SPECC1: variants seen among roughly 807,000 people sequenced by gnomAD.
SPECC1 encodes cytospin-B.
In SPECC1, 62 loss-of-function variants were observed where a neutral mutation model predicts 104.1. The observed-to-expected ratio is 0.60, with a 90% CI of 0.49 to 0.74. SPECC1 has a LOEUF of 0.74. SPECC1 is among the 30% of genes least tolerant of loss of function. The probability of loss-of-function intolerance (pLI) is 0.00; values close to 1 mark genes in which losing one functional copy is unlikely to be tolerated. For synonymous variants in SPECC1, 513 were observed against 501.6 expected, an observed-to-expected ratio of 1.02 and a Z score of -0.30; for missense variants, 1,306 against 1,310.5, an observed-to-expected ratio of 1.00 and a Z score of 0.05.
chr17:20,163,041 CAA>C (rs1157077943), intron 3 of SPECC1, among the ~76,000 whole-genome samples: 2 of 152,032 alleles, frequency 1.3e-5, no homozygotes, highest in East Asian at 1.9e-4. Context: ...AAACAAAAAA[CAA>C]AGTGAAGATG....
At chr17:20,211,349 C>T (rs2037135679) in intron 4 of SPECC1, among the ~76,000 whole-genome samples, 1 of 152,368 alleles carries the variant, frequency 6.6e-6, no homozygotes, top group Non-Finnish European at 1.5e-5. Context: ...CTCCTGTCAA[C>T]AGGGCCTGTT....
At chr17:20,101,790 C>T (rs969251877) in intron 2 of SPECC1, among the ~76,000 whole-genome samples, 1 of 152,176 alleles carries the variant, frequency 6.6e-6, no homozygotes, top group Admixed American at 6.5e-5. Flanking sequence ...TTTAACAAAC[C>T]CTTCCTGTGA....
intron 3 of SPECC1, among the ~76,000 whole-genome samples, chr17:20,146,550 T>C (rs12949242): frequency 0.021 from 3,228 of 152,250 alleles, 41 homozygotes; most frequent in Non-Finnish European, 0.029. Context: ...AGTTTTCAGC[T>C]CATTTGGGTA....
intron 3 of SPECC1, among the ~76,000 whole-genome samples, chr17:20,199,118 A>T (rs1597950980): frequency 2.9e-5 from 3 of 101,956 alleles, no homozygotes; most frequent in African/African-American, 4.0e-5. Flanking sequence ...ACAGAGTCTT[A>T]CTCTGTTGCC....
chr17:20,192,363 C>T (rs576958720), intron 3 of SPECC1, among the ~76,000 whole-genome samples: 1 of 152,234 alleles, frequency 6.6e-6, no homozygotes, highest in East Asian at 1.9e-4. Flanking sequence ...CATATTTTCT[C>T]CCAGCCTGTG....
At chr17:20,022,183 C>T (rs966438357) in intron 1 of SPECC1, among the ~76,000 whole-genome samples, 5 of 151,930 alleles carry the variant, frequency 3.3e-5, no homozygotes, top group African/African-American at 7.3e-5. Context: ...CTTCATGATC[C>T]GCCCGCCTCG....
At position 20,205,547 on chromosome 17, in the gene SPECC1, G is replaced by A. The variant is rs746134112; in HGVS notation, c.1498G>A (p.Glu500Lys). The A allele has an allele frequency of 2.5e-6, 4 of 1,614,100 alleles. No individual in the cohort carries two copies. The highest frequency in any genetic ancestry group is 2.2e-5 in the East Asian group (1 of 44,884). The change falls in exon 4 of 15, where the codon GAA becomes AAA. Residue 500 changes from glutamate to lysine, a missense_variant. Glu to Lys is a moderately conservative substitution (Grantham distance 56). Coordinates refer to ENST00000395527, the MANE Select transcript of SPECC1 (RefSeq NM_001243439.2). ...QLTCSLRKVEEENQGALEMIK... is the reference protein window; with the variant it reads ...QLTCSLRKVEKENQGALEMIK... ...GACCTGTAGCTTGCGGAAGGTTGAG[G>A]AAGAAAACCAAGGAGCTTTAGAAAT...
chr17:20,080,201 A>G (rs1244125713), intron 1 of SPECC1, among the ~76,000 whole-genome samples: 5 of 152,192 alleles, frequency 3.3e-5, no homozygotes, highest in Non-Finnish European at 5.9e-5. Context: ...AATGTGGTCT[A>G]GAAGGCATGC....
At chr17:20,301,961 C>T (rs2041601809) in intron 13 of SPECC1, among the ~76,000 whole-genome samples, 1 of 152,202 alleles carries the variant, frequency 6.6e-6, no homozygotes, top group East Asian at 1.9e-4. Flanking sequence ...CCGCTTGGGC[C>T]TCCCAATAGT....
At chr17:20,302,662 G>A (rs982566667) in intron 13 of SPECC1, among the ~76,000 whole-genome samples, 3 of 151,152 alleles carry the variant, frequency 2.0e-5, no homozygotes, top group Admixed American at 2.0e-4. Context: ...TCAGGCTTCA[G>A]AGTAGCTGGG....
At chr17:20,229,967 G>A (rs1186672809) in intron 5 of SPECC1, among the ~76,000 whole-genome samples, 1 of 152,334 alleles carries the variant, frequency 6.6e-6, no homozygotes, top group East Asian at 1.9e-4. Context: ...GCCATAAAGT[G>A]TGAGAAAGGT....
intron 3 of SPECC1, among the ~76,000 whole-genome samples, chr17:20,186,405 C>T (rs1364323964): frequency 6.6e-6 from 1 of 152,158 alleles, no homozygotes; most frequent in Non-Finnish European, 1.5e-5. Context: ...GGAGAAATGA[C>T]ACTGATAGAC....
At chr17:20,058,391 A>G (rs1048628066) in intron 1 of SPECC1, among the ~76,000 whole-genome samples, 1 of 152,188 alleles carries the variant, frequency 6.6e-6, no homozygotes. Context: ...GCACTTTGGG[A>G]GGCCAAGGAA....
intron 3 of SPECC1, among the ~76,000 whole-genome samples, chr17:20,197,873 T>G (rs2036141666): frequency 6.6e-6 from 1 of 152,236 alleles, no homozygotes; most frequent in Non-Finnish European, 1.5e-5. Flanking sequence ...AGCTTAAGAC[T>G]AGCCTTAGAA....
chr17:20,171,329 A>G (rs2034074025), intron 3 of SPECC1, among the ~76,000 whole-genome samples: 3 of 152,186 alleles, frequency 2.0e-5, no homozygotes. Context: ...TTATGCTTTC[A>G]TAGGGATTTT....
chr17:20,197,396 A>C (rs1420328569), intron 3 of SPECC1, among the ~76,000 whole-genome samples: 1 of 152,210 alleles, frequency 6.6e-6, no homozygotes, highest in East Asian at 1.9e-4. Flanking sequence ...AAGAGAATAG[A>C]CAAGGTCACA....
intron 3 of SPECC1, among the ~76,000 whole-genome samples, chr17:20,132,802 T>C (rs1178462977): frequency 6.6e-6 from 1 of 151,872 alleles, no homozygotes; most frequent in Admixed American, 6.6e-5. Flanking sequence ...TGCAGTGGCG[T>C]GATCTCGGCT....
At chr17:20,280,895 A>C (rs1169499566) in intron 12 of SPECC1, among the ~76,000 whole-genome samples, 2 of 152,268 alleles carry the variant, frequency 1.3e-5, no homozygotes. Flanking sequence ...TTTATTTCAG[A>C]ACCACTAATT....
chr17:20,286,019 G>C (rs983681612), intron 12 of SPECC1, among the ~76,000 whole-genome samples: 11 of 152,084 alleles, frequency 7.2e-5, no homozygotes, highest in Non-Finnish European at 1.3e-4. Flanking sequence ...CCGCCATGTT[G>C]CCCAGGCTAG....
Sources: gnomAD v4.1 joint callset for allele counts (sites outside exome capture counted in the v4.1 genomes callset) on GRCh38, gnomAD v4.1.1 for gene constraint, MANE v1.5 for transcripts, NCBI Gene and HGNC (gene_info 2026-07-23, HGNC 2026-07-21) for gene names.